DTNBP1: variants seen among roughly 807,000 people sequenced by gnomAD.
DTNBP1 encodes dystrobrevin binding protein 1.
Under a neutral mutation model 42.8 loss-of-function variants are expected in DTNBP1, and 35 were observed. That is an observed-to-expected ratio of 0.82 (90% confidence interval 0.63 to 1.09). DTNBP1 has a LOEUF of 1.09. Ranked by LOEUF, DTNBP1 falls within the 50% of genes least tolerant of loss-of-function variation. The probability of loss-of-function intolerance (pLI) is 0.00; values close to 1 mark genes in which losing one functional copy is unlikely to be tolerated. For missense variants in DTNBP1, 457 were observed against 424.2 expected (o/e 1.08, Z -0.68); for synonymous variants, 171 against 162.2 (o/e 1.05, Z -0.41).
chr6:15,600,668 G>A (rs1341495876), intron 6 of DTNBP1, among the ~76,000 whole-genome samples: 5 of 152,156 alleles, frequency 3.3e-5, no homozygotes, highest in Non-Finnish European at 7.3e-5. Flanking sequence ...AAGACAGAAA[G>A]GCAAGGACAG....
chr6:15,611,956 T>C (rs1758430844), intron 6 of DTNBP1, among the ~76,000 whole-genome samples: 1 of 152,228 alleles, frequency 6.6e-6, no homozygotes, highest in African/African-American at 2.4e-5. Flanking sequence ...GTACACTGAG[T>C]TGATAAAGCA....
intron 6 of DTNBP1, among the ~76,000 whole-genome samples, chr6:15,598,206 G>T (rs909279871): frequency 7.9e-5 from 12 of 152,160 alleles, no homozygotes; most frequent in Non-Finnish European, 4.4e-5. Flanking sequence ...TAAGCCTATG[G>T]AATGTTACAA....
At chr6:15,599,836 TA>T (rs1383312139) in intron 6 of DTNBP1, among the ~76,000 whole-genome samples, 1 of 152,216 alleles carries the variant, frequency 6.6e-6, no homozygotes, top group Non-Finnish European at 1.5e-5. Flanking sequence ...ATTACAAATT[TA>T]AAAAATTTAT....
intron 7 of DTNBP1, among the ~76,000 whole-genome samples, chr6:15,568,682 G>T (rs1029979251): frequency 1.4e-4 from 22 of 152,100 alleles, no homozygotes; most frequent in African/African-American, 5.1e-4. Context: ...CAATGAGGAC[G>T]AAGATCTTCA....
At chr6:15,593,016 G>A (rs1428510769) in intron 7 of DTNBP1, 43 bp downstream of exon 7, 4 of 1,553,106 alleles carry the variant, frequency 2.6e-6, no homozygotes, top group Non-Finnish European at 3.5e-6. Context: ...TGATACCAAT[G>A]AACTCTCAAC....
chr6:15,580,508 T>C (rs1335039784), intron 7 of DTNBP1, among the ~76,000 whole-genome samples: 2 of 152,204 alleles, frequency 1.3e-5, no homozygotes, highest in Non-Finnish European at 2.9e-5. Context: ...ACTACCTAAA[T>C]TTCCAACAAT....
chr6:15,579,919 G>C, intron 7 of DTNBP1: 1 of 419,808 alleles, frequency 2.4e-6, no homozygotes, highest in East Asian at 7.3e-5. Flanking sequence ...TTACATATAT[G>C]TATCAAAACT....
intron 7 of DTNBP1, among the ~76,000 whole-genome samples, chr6:15,588,826 G>A (rs115372240): frequency 2.0e-5 from 3 of 152,290 alleles, no homozygotes; most frequent in Non-Finnish European, 2.9e-5. Flanking sequence ...GAATGTCTTT[G>A]TTATCCTTTC....
intron 5 of DTNBP1, among the ~76,000 whole-genome samples, chr6:15,616,677 T>A (rs558886964): frequency 6.6e-6 from 1 of 152,242 alleles, no homozygotes; most frequent in Non-Finnish European, 1.5e-5. Context: ...CTAGCTTTCA[T>A]AGCATTTAGG....
intron 7 of DTNBP1, among the ~76,000 whole-genome samples, chr6:15,539,584 G>C (rs1773444076): frequency 6.6e-6 from 1 of 152,228 alleles, no homozygotes; most frequent in African/African-American, 2.4e-5. Context: ...GCACAGCCCA[G>C]TTTTGTGGAA....
chr6:15,544,945 T>A (rs188386012), intron 7 of DTNBP1, among the ~76,000 whole-genome samples: 2 of 152,330 alleles, frequency 1.3e-5, no homozygotes, highest in African/African-American at 2.4e-5. Flanking sequence ...GTAAAATATA[T>A]TTTAGAAAAA....
rs1243514903 is a variant in DTNBP1, at chr6:15,613,367, T to C, written c.488+1900A>G. Among the ~76,000 whole-genome samples, 3 of 123,058 alleles carry C rather than the reference T, an allele frequency of 2.4e-5. 1 individual carries two copies. The highest frequency in any genetic ancestry group is 6.0e-5 in the African/African-American group (2 of 33,448). The allele number at this position is 123,058 out of a possible 152,430, so 80.7% of individuals were successfully genotyped here. On this transcript the variant is annotated intron_variant, in intron 6 of 9. Transcript: ENST00000344537. ...TTTGACACGGACCCCATTTTTTTTT[T>C]TTTTTTTTTTTTTTTTTGAGACGGA...
chr6:15,593,843 A>G (rs1285545651), intron 6 of DTNBP1, among the ~76,000 whole-genome samples: 2 of 152,236 alleles, frequency 1.3e-5, no homozygotes, highest in Non-Finnish European at 2.9e-5. Context: ...TATCCCAGTT[A>G]AAATATGAGA....
At chr6:15,539,412 C>T (rs1773431905) in intron 7 of DTNBP1, among the ~76,000 whole-genome samples, 1 of 152,204 alleles carries the variant, frequency 6.6e-6, no homozygotes, top group African/African-American at 2.4e-5. Flanking sequence ...CTCCTAGCGC[C>T]TCTTGGCACA....
At chr6:15,523,499 G>A (rs1772072266) in intron 9 of DTNBP1, 1 of 1,280,294 alleles carries the variant, frequency 7.8e-7, no homozygotes, top group Non-Finnish European at 1.0e-6. Flanking sequence ...TGTAATAGAG[G>A]CCCAAAGGCA....
Position 15,655,801 on chromosome 6 carries a change from T to C in DTNBP1, c.57-3661A>G, listed in dbSNP as rs1466416962. Reference sequence around the variant, plus strand: ...AGAAAGTAACAAAAAGCCAAAAAGGTATTTTCTAAAATAACATCCTCAAAA... The same window carrying C: ...AGAAAGTAACAAAAAGCCAAAAAGGCATTTTCTAAAATAACATCCTCAAAA... On this transcript the variant is annotated intron_variant, in intron 1 of 9. Coordinates refer to ENST00000344537, the MANE Select transcript of DTNBP1 (RefSeq NM_032122.5). Among the ~76,000 whole-genome samples the C allele has an allele frequency of 2.0e-5, 3 of 152,148 alleles. No individual in the cohort carries two copies. In the East Asian group the frequency reaches 5.8e-4, roughly 29 times the overall value.
chr6:15,640,089 T>C lies in DTNBP1; in HGVS notation c.162-2285A>G, dbSNP rs114146611. ...CTCTAAACCTAGACTATCGCAACCA[T>C]TCATATTCTCTGCTCTACTTTTACG... On this transcript the variant is annotated intron_variant, in intron 3 of 9. Transcript: ENST00000344537. 4.2e-3 allele frequency among the ~76,000 whole-genome samples: 642 copies of C among 152,336 alleles called. 7 individuals carry two copies. Among genetic ancestry groups the C allele is most frequent in the African/African-American group, 0.014 (588 of 41,566 alleles).
At chr6:15,602,812 T>C (rs1462824407) in intron 6 of DTNBP1, among the ~76,000 whole-genome samples, 1 of 152,222 alleles carries the variant, frequency 6.6e-6, no homozygotes, top group Admixed American at 6.5e-5. Context: ...AGATACACTT[T>C]AGGTTTTCAT....
At chr6:15,563,417 G>C (rs1261596120) in intron 7 of DTNBP1, among the ~76,000 whole-genome samples, 3 of 152,162 alleles carry the variant, frequency 2.0e-5, no homozygotes, top group Non-Finnish European at 4.4e-5. Flanking sequence ...GGGTTAACAA[G>C]AATTCTGGAC....
Sources: gnomAD v4.1 joint callset for allele counts (sites outside exome capture counted in the v4.1 genomes callset) on GRCh38, gnomAD v4.1.1 for gene constraint, MANE v1.5 for transcripts, NCBI Gene and HGNC (gene_info 2026-07-23, HGNC 2026-07-21) for gene names.